Variants in CATSPERB observed in about 807,000 individuals in gnomAD.
The protein encoded by CATSPERB is catsper channel auxiliary subunit beta.
Under a neutral mutation model 128.3 loss-of-function variants are expected in CATSPERB, and 93 were observed. The observed-to-expected ratio is 0.72, with a 90% CI of 0.61 to 0.86. The LOEUF (loss-of-function observed/expected upper bound fraction) is 0.86, where lower values mean the gene tolerates loss of function less well. CATSPERB is among the 40% of genes least tolerant of loss of function. CATSPERB has a pLI of 0.00. For missense variants in CATSPERB, 1,153 were observed against 1,329.5 expected (o/e 0.87, Z 2.06); for synonymous variants, 381 against 448.8 (o/e 0.85, Z 1.91).
intron 26 of CATSPERB, among the ~76,000 whole-genome samples, chr14:91,585,529 G>A (rs1180845915): frequency 3.3e-5 from 5 of 151,950 alleles, no homozygotes; most frequent in Non-Finnish European, 7.4e-5. Flanking sequence ...ATAGTTTTTA[G>A]TTCTAAAATT....
intron 15 of CATSPERB, among the ~76,000 whole-genome samples, chr14:91,653,115 T>A (rs1894736101): frequency 6.6e-6 from 1 of 152,238 alleles, no homozygotes; most frequent in Non-Finnish European, 1.5e-5. Context: ...TTTGAAGTTA[T>A]ATCAGAAACT....
intron 26 of CATSPERB, among the ~76,000 whole-genome samples, chr14:91,582,330 C>T (rs1243634843): frequency 6.6e-6 from 1 of 152,218 alleles, no homozygotes; most frequent in Non-Finnish European, 1.5e-5. Context: ...CACAATTGGA[C>T]CCTAACCTAC....
At chr14:91,676,861 G>T (rs1595175344) in intron 11 of CATSPERB, among the ~76,000 whole-genome samples, 8 of 152,098 alleles carry the variant, frequency 5.3e-5, no homozygotes, top group Non-Finnish European at 2.9e-5. Context: ...CATGGTACTG[G>T]TACCAAAACA....
intron 11 of CATSPERB, 120 bp from the exon 12 acceptor site, chr14:91,674,342 G>A: frequency 1.6e-6 from 1 of 620,874 alleles, no homozygotes; most frequent in East Asian, 3.1e-5. Flanking sequence ...GTAAACTTAT[G>A]GTAAATGAAA....
intron 14 of CATSPERB, among the ~76,000 whole-genome samples, chr14:91,660,702 C>T (rs766758227): frequency 6.6e-6 from 1 of 152,156 alleles, no homozygotes; most frequent in Non-Finnish European, 1.5e-5. Flanking sequence ...AGAAAATAGG[C>T]TTTTCTTACA....
intron 20 of CATSPERB, among the ~76,000 whole-genome samples, chr14:91,614,295 A>T (rs55969132): frequency 6.6e-6 from 1 of 151,276 alleles, no homozygotes; most frequent in Non-Finnish European, 1.5e-5. Flanking sequence ...TCTAGGGCTC[A>T]CACTTTTATC....
chr14:91,730,902 T>A (rs983029266), intron 1 of CATSPERB, among the ~76,000 whole-genome samples: 4 of 152,196 alleles, frequency 2.6e-5, no homozygotes, highest in African/African-American at 7.2e-5. Flanking sequence ...AGTGCATTTT[T>A]AAAAATCATC....
At chr14:91,604,991 A>C in intron 22 of CATSPERB, 2 of 1,162,336 alleles carry the variant, frequency 1.7e-6, no homozygotes, top group South Asian at 2.4e-5. Context: ...TCTATCATTG[A>C]GTACAAACAG....
intron 10 of CATSPERB, among the ~76,000 whole-genome samples, chr14:91,685,920 G>A (rs531235982): frequency 6.6e-6 from 1 of 152,194 alleles, no homozygotes. Context: ...TATCCTTAAA[G>A]AAGTGATCCA....
intron 1 of CATSPERB, among the ~76,000 whole-genome samples, chr14:91,731,607 T>C (rs1896212003): frequency 6.6e-6 from 1 of 152,236 alleles, no homozygotes; most frequent in Non-Finnish European, 1.5e-5. Context: ...GTATTACTTC[T>C]GAATTCCATA....
chr14:91,610,635 C>G lies in CATSPERB; in HGVS notation c.2443G>C (p.Glu815Gln). ...LAFIMWSAST[E>Q]CFVTTMVPTL... is the part of the protein sequence containing the mutation. ...GGCACCATTGTCGTAACAAAGCACT[C>G]AGTAGAGGCTGACCACATAATAAAT... Residue 815 changes from glutamate to glutamine, a missense_variant, in exon 21 of 27, where the codon GAG (glutamate) becomes CAG (glutamine). Transcript: ENST00000256343. The G allele has an allele frequency of 6.2e-7, 1 of 1,612,288 alleles. No individual in the cohort carries two copies. Among genetic ancestry groups the G allele is most frequent in the Middle Eastern group, 1.7e-4 (1 of 6,050 alleles).
At chr14:91,671,898 A>G (rs936549975) in intron 13 of CATSPERB, among the ~76,000 whole-genome samples, 1 of 151,876 alleles carries the variant, frequency 6.6e-6, no homozygotes, top group African/African-American at 2.4e-5. Flanking sequence ...GGGCGCCTGT[A>G]GTCCCAGCTA....
chr14:91,704,527 A>G, intron 7 of CATSPERB, 25 bp downstream of exon 7: 1 of 1,577,788 alleles, frequency 6.3e-7, no homozygotes, highest in Non-Finnish European at 8.6e-7. Flanking sequence ...GCCAATGTCA[A>G]CATTTAATGA....
At position 91,722,686 on chromosome 14, in the gene CATSPERB, A is replaced by G. The variant is rs192817374; in HGVS notation, c.309+363T>C. 5.2e-3 allele frequency among the ~76,000 whole-genome samples: 792 copies of G among 152,308 alleles called. 7 individuals are homozygous for G. Among genetic ancestry groups the G allele is most frequent in the African/African-American group, 0.018 (740 of 41,572 alleles). Reference sequence around the variant, plus strand: ...ATCTTAATAAAGTTGTTGCCAAAAAAGAGGTGAAATAAAGACATTTTTAGA... The same window carrying G: ...ATCTTAATAAAGTTGTTGCCAAAAAGGAGGTGAAATAAAGACATTTTTAGA... On this transcript the variant is annotated intron_variant, in intron 4 of 26. Transcript: ENST00000256343.
intron 15 of CATSPERB, among the ~76,000 whole-genome samples, chr14:91,639,791 C>G (rs893666240): frequency 6.6e-6 from 1 of 152,140 alleles, no homozygotes; most frequent in Non-Finnish European, 1.5e-5. Flanking sequence ...GACAGGGTCC[C>G]CTCCCTTGGA....
chr14:91,622,947 T>G (rs960457495), intron 18 of CATSPERB, among the ~76,000 whole-genome samples: 1 of 145,488 alleles, frequency 6.9e-6, no homozygotes, highest in South Asian at 2.1e-4. Flanking sequence ...CAGGCTGGAG[T>G]GCAATGGCGC....
intron 7 of CATSPERB, among the ~76,000 whole-genome samples, chr14:91,694,739 A>C (rs1209798047): frequency 6.6e-6 from 1 of 152,214 alleles, no homozygotes; most frequent in African/African-American, 2.4e-5. Context: ...TTGTAAATGA[A>C]GAAGATTGAA....
chr14:91,659,747 G>A (rs1894842442), intron 15 of CATSPERB, 90 bp downstream of exon 15: 1 of 1,273,132 alleles, frequency 7.9e-7, no homozygotes, highest in Non-Finnish European at 1.1e-6. Flanking sequence ...TGAGGTCTTA[G>A]GATTAGTTGA....
rs1025396970 is a variant in CATSPERB, at chr14:91,608,506, T to A, written c.2599-102A>T. 32 of 718,468 alleles carry A rather than the reference T, an allele frequency of 4.5e-5. No individual in the cohort carries two copies. The African/African-American group carries it at 5.9e-4, about 13-fold the overall frequency. The allele number at this position is 718,468 out of a possible 1,614,324, so 44.5% of individuals were successfully genotyped here. A position where few individuals can be genotyped will look rare whatever the true frequency, so the allele number is the denominator to read the frequency against. On this transcript the variant is annotated intron_variant, in intron 21 of 26. Transcript: ENST00000256343. ...AAACCAATCAAGGCAAAAATTCAAT[T>A]TTTAGCTACAGGTATTAAAGTAAAT...
Sources: allele counts gnomAD v4.1 joint callset (sites outside exome capture counted in the v4.1 genomes callset), GRCh38; gene constraint gnomAD v4.1.1; transcripts MANE v1.5; gene names NCBI Gene and HGNC (gene_info 2026-07-23, HGNC 2026-07-21).